The following ROR1 variants were observed in gnomAD, a reference collection of about 807,000 sequenced individuals.
ROR1 encodes the protein inactive tyrosine-protein kinase transmembrane receptor ROR1.
Under a neutral mutation model 78.8 loss-of-function variants are expected in ROR1, and 19 were observed. The observed-to-expected ratio is 0.24, with a 90% CI of 0.17 to 0.35. The LOEUF (loss-of-function observed/expected upper bound fraction) is 0.35. Ranked by LOEUF, ROR1 falls within the 10% of genes least tolerant of loss-of-function variation. The pLI is 1.00. For synonymous variants in ROR1, 386 were observed against 433.6 expected (o/e 0.89, Z 1.36); for missense variants, 917 against 1,177.8 (o/e 0.78, Z 3.24).
At position 63,814,794 on chromosome 1, in the gene ROR1, C is replaced by T. The variant is rs540535330; in HGVS notation, c.91+40286C>T. On this transcript the variant is annotated intron_variant, in intron 1 of 8. Transcript: ENST00000371079. ...GCAGCTGTAAATACAGATGAAGCTT[C>T]GCTCACTTGCCCACAGCTCTCCTCC... 2.5e-4 allele frequency among the ~76,000 whole-genome samples: 38 copies of T among 152,278 alleles called. No homozygotes were observed. In the East Asian group the frequency reaches 4.4e-3, roughly 18 times the overall value.
intron 1 of ROR1, among the ~76,000 whole-genome samples, chr1:63,896,023 C>A (rs947244857): frequency 2.0e-5 from 3 of 152,156 alleles, no homozygotes; most frequent in East Asian, 1.9e-4. Flanking sequence ...TATCCAGCCT[C>A]CTCTAAGATG....
intron 4 of ROR1, among the ~76,000 whole-genome samples, chr1:64,120,601 A>C (rs1648495466): frequency 6.6e-6 from 1 of 152,206 alleles, no homozygotes; most frequent in Admixed American, 6.5e-5. Flanking sequence ...AAATGCTCAA[A>C]AGCAGGCACG....
At chr1:63,978,876 G>A (rs1408979416) in intron 1 of ROR1, among the ~76,000 whole-genome samples, 3 of 152,168 alleles carry the variant, frequency 2.0e-5, no homozygotes, top group Non-Finnish European at 4.4e-5. Flanking sequence ...TGTGGGGTGC[G>A]CTGGCAGGTT....
intron 1 of ROR1, among the ~76,000 whole-genome samples, chr1:63,879,916 T>C (rs1645312117): frequency 6.6e-6 from 1 of 152,102 alleles, no homozygotes; most frequent in African/African-American, 2.4e-5. Flanking sequence ...ATAGTAGTGG[T>C]TGGAGTAGGG....
intron 1 of ROR1, among the ~76,000 whole-genome samples, chr1:63,892,747 T>G (rs146530758): frequency 2.1e-3 from 324 of 152,276 alleles, no homozygotes; most frequent in African/African-American, 7.7e-3. Flanking sequence ...GCCAACCTTC[T>G]CTAAACTTAG....
Position 63,906,254 on chromosome 1 carries a change from G to A in ROR1, c.92-103051G>A, listed in dbSNP as rs1488028488. On this transcript the variant is annotated intron_variant, in intron 1 of 8. Transcript: ENST00000371079. ...TCATAGATACGGGTCCTGATAACCCGAAGTCCTATGCTTTGGTATGGATTA... is the reference window on the plus strand; with the variant it reads ...TCATAGATACGGGTCCTGATAACCCAAAGTCCTATGCTTTGGTATGGATTA... 3.9e-5 allele frequency among the ~76,000 whole-genome samples: 6 copies of A among 151,938 alleles called. No homozygotes were observed. The East Asian group carries it at 5.8e-4, about 15-fold the overall frequency.
chr1:63,954,001 C>T (rs1414348702), intron 1 of ROR1, among the ~76,000 whole-genome samples: 1 of 152,110 alleles, frequency 6.6e-6, no homozygotes, highest in Non-Finnish European at 1.5e-5. Context: ...TTGGAGAATA[C>T]AGTGGTTTGC....
intron 1 of ROR1, among the ~76,000 whole-genome samples, chr1:63,804,216 A>G (rs1303145471): frequency 6.6e-6 from 1 of 152,052 alleles, no homozygotes; most frequent in African/African-American, 2.4e-5. Flanking sequence ...TGTAATTGTA[A>G]TGGTGGTTAC....
At chr1:64,141,989 C>A (rs1649330994) in intron 6 of ROR1, among the ~76,000 whole-genome samples, 5 of 152,098 alleles carry the variant, frequency 3.3e-5, no homozygotes. Flanking sequence ...CTGTGAATTA[C>A]AATACCAACT....
intron 1 of ROR1, among the ~76,000 whole-genome samples, chr1:63,794,335 G>A (rs567607628): frequency 3.3e-5 from 5 of 152,274 alleles, no homozygotes; most frequent in East Asian, 3.9e-4. Context: ...ATGGTGAGTC[G>A]TCCATCAACA....
intron 1 of ROR1, among the ~76,000 whole-genome samples, chr1:63,854,033 T>A (rs1645132977): frequency 1.3e-5 from 2 of 152,224 alleles, no homozygotes; most frequent in Admixed American, 1.3e-4. Flanking sequence ...GGCCCATCTG[T>A]AGAATGTGAG....
intron 1 of ROR1, among the ~76,000 whole-genome samples, chr1:63,903,533 A>G (rs147763537): frequency 5.9e-5 from 9 of 152,192 alleles, no homozygotes; most frequent in African/African-American, 1.7e-4. Flanking sequence ...ACAAAAAGAA[A>G]TACTCAAAGA....
chr1:64,057,732 G>A (rs566391706), intron 4 of ROR1, among the ~76,000 whole-genome samples: 1 of 152,264 alleles, frequency 6.6e-6, no homozygotes, highest in Middle Eastern at 3.4e-3. Context: ...AATAACTCAG[G>A]ACTGTACCTT....
At chr1:64,145,932 T>C (rs1649460706) in intron 7 of ROR1, among the ~76,000 whole-genome samples, 1 of 152,196 alleles carries the variant, frequency 6.6e-6, no homozygotes, top group Non-Finnish European at 1.5e-5. Context: ...AGCTAGTAAA[T>C]GGAAGGTCTG....
At chr1:64,144,244 A>C (rs891420709) in intron 7 of ROR1, among the ~76,000 whole-genome samples, 1 of 152,210 alleles carries the variant, frequency 6.6e-6, no homozygotes, top group African/African-American at 2.4e-5. Context: ...GCTGGAATCA[A>C]GAGTTTTTGT....
Position 64,045,942 on chromosome 1 carries a change from G to T in ROR1, c.164-3749G>T, listed in dbSNP as rs549640062. 2.0e-4 allele frequency among the ~76,000 whole-genome samples: 31 copies of T among 152,288 alleles called. 1 individual carries two copies. The South Asian group carries it at 5.4e-3, about 26-fold the overall frequency. ...CAGTCTAGGGAAGAAGGGAAAAAAA[G>T]ATGAGAAATCTTCCATAGCTCAAGC... On this transcript the variant is annotated intron_variant, in intron 2 of 8. Transcript: ENST00000371079.
chr1:64,094,229 A>G (rs905725008), intron 4 of ROR1, among the ~76,000 whole-genome samples: 1 of 152,168 alleles, frequency 6.6e-6, no homozygotes, highest in Non-Finnish European at 1.5e-5. Flanking sequence ...TTTGCCTTTA[A>G]CAAACAACAC....
At position 64,084,816 on chromosome 1, in the gene ROR1, T is replaced by C. The variant is rs529540589; in HGVS notation, c.482+34100T>C. Among the ~76,000 whole-genome samples, 4 of 152,354 alleles carry C rather than the reference T, an allele frequency of 2.6e-5. No individual in the cohort carries two copies. In the South Asian group the frequency reaches 8.3e-4, roughly 32 times the overall value. On this transcript the variant is annotated intron_variant, in intron 4 of 8. Coordinates refer to ENST00000371079, the MANE Select transcript of ROR1 (RefSeq NM_005012.4). The stretch of plus-strand genomic sequence containing the variant: ...ATAATTTGGGGATGCCTTGAGAAGG[T>C]CAACGCGACAGGCCAGCTTTTGCCC...
chr1:64,000,583 G>A (rs1646374753), intron 1 of ROR1, among the ~76,000 whole-genome samples: 2 of 152,170 alleles, frequency 1.3e-5, no homozygotes, highest in African/African-American at 4.8e-5. Context: ...TAGTTGGGAT[G>A]TTTCTTTCTT....
Sources: gnomAD v4.1 joint callset for allele counts (sites outside exome capture counted in the v4.1 genomes callset) on GRCh38, gnomAD v4.1.1 for gene constraint, MANE v1.5 for transcripts, NCBI Gene and HGNC (gene_info 2026-07-23, HGNC 2026-07-21) for gene names.